Variants in KDM6A observed in about 807,000 individuals in gnomAD.
KDM6A encodes the protein lysine demethylase 6A.
A neutral mutation model predicts 117.6 loss-of-function variants in KDM6A; 11 were observed. That is an observed-to-expected ratio of 0.09 (90% confidence interval 0.06 to 0.15). The LOEUF (loss-of-function observed/expected upper bound fraction) is 0.15, where lower values mean the gene tolerates loss of function less well. Among genes scored for constraint, KDM6A ranks in the 10% least tolerant of loss-of-function variants. The pLI is 1.00. For synonymous variants in KDM6A, 384 were observed against 396.1 expected (o/e 0.97, Z 0.36); for missense variants, 799 against 1,077.3 (o/e 0.74, Z 3.62).
At chrX:44,927,708 C>G (rs752448813) in intron 2 of KDM6A, among the ~76,000 whole-genome samples, 92 of 111,895 alleles carry the variant, frequency 8.2e-4, no homozygotes, top group African/African-American at 2.4e-3. Context: ...AGAAGCCTTA[C>G]TGGCACAATA....
In KDM6A at chrX:45,002,096, C is replaced by T. The variant is rs150391377; in HGVS notation, c.385-8865C>T. 6.0e-3 allele frequency among the ~76,000 whole-genome samples: 660 copies of T among 110,871 alleles called. 5 individuals carry two copies. The highest frequency in any genetic ancestry group is 0.02 in the African/African-American group (622 of 30,465). ...CAGTGGTCTTTATAGCCCTTGGTGC[C>T]TTCTTACTGAGAAATTTCCCTTAGC... is the stretch of plus-strand genomic sequence containing the variant. On this transcript the variant is annotated intron_variant, in intron 4 of 29. Coordinates refer to ENST00000611820, the MANE Select transcript of KDM6A (RefSeq NM_001291415.2).
chrX:44,960,863 T>G, intron 2 of KDM6A, among the ~76,000 whole-genome samples: 1 of 111,661 alleles, frequency 9.0e-6, no homozygotes, highest in East Asian at 2.8e-4. Flanking sequence ...TTTTTATTAC[T>G]CTAGAGATTC....
chrX:44,899,583 C>T (rs994410775), intron 2 of KDM6A, among the ~76,000 whole-genome samples: 3 of 109,700 alleles, frequency 2.7e-5, no homozygotes, highest in Non-Finnish European at 5.7e-5. Context: ...TTGGGGTCTT[C>T]TGAAGCAGCA....
intron 2 of KDM6A, among the ~76,000 whole-genome samples, chrX:44,912,499 A>C (rs1334724584): frequency 8.9e-6 from 1 of 112,321 alleles, no homozygotes; most frequent in Non-Finnish European, 1.9e-5. Flanking sequence ...TATGTTTTAT[A>C]GTTGGAAATC....
intron 2 of KDM6A, among the ~76,000 whole-genome samples, chrX:44,907,222 CAT>C (rs1210408498): frequency 1.8e-5 from 2 of 112,266 alleles, no homozygotes; most frequent in Non-Finnish European, 3.8e-5. Context: ...TGTTTTCTCT[CAT>C]ATGTATGTAA....
chrX:45,094,237 T>G, intron 27 of KDM6A, among the ~76,000 whole-genome samples: 1 of 112,085 alleles, frequency 8.9e-6, no homozygotes, highest in Middle Eastern at 4.6e-3. Flanking sequence ...ATAGGTCCTT[T>G]CTTCAAGTAA....
intron 8 of KDM6A, among the ~76,000 whole-genome samples, chrX:45,040,450 A>C (rs1602682650): frequency 2.6e-5 from 1 of 38,643 alleles, no homozygotes; most frequent in African/African-American, 9.4e-5. Flanking sequence ...CGGGGGGCTG[A>C]CCCCCCCCAC....
At chrX:44,972,042 T>C (rs1466467924) in intron 3 of KDM6A, among the ~76,000 whole-genome samples, 2 of 110,462 alleles carry the variant, frequency 1.8e-5, no homozygotes, top group African/African-American at 6.6e-5. Context: ...CAAGAAGCTT[T>C]TTTGGGGCGG....
intron 25 of KDM6A, among the ~76,000 whole-genome samples, chrX:45,086,400 G>C (rs931115128): frequency 7.1e-5 from 8 of 112,064 alleles, no homozygotes; most frequent in African/African-American, 1.9e-4. Context: ...GCCATATCAT[G>C]ATATAAATTC....
intron 2 of KDM6A, among the ~76,000 whole-genome samples, chrX:44,918,934 A>G (rs1192844628): frequency 1.8e-5 from 2 of 112,050 alleles, no homozygotes; most frequent in Non-Finnish European, 1.9e-5. Flanking sequence ...GATCTTTGCC[A>G]TGATGTAACT....
chrX:44,959,093 A>T (rs2147154325), intron 2 of KDM6A, among the ~76,000 whole-genome samples: 1 of 110,957 alleles, frequency 9.0e-6, no homozygotes, highest in South Asian at 3.8e-4. Context: ...AGTAATACAG[A>T]GTGCTTGGCA....
chrX:45,067,838 G>C (rs2044609252), intron 17 of KDM6A, among the ~76,000 whole-genome samples: 1 of 109,560 alleles, frequency 9.1e-6, no homozygotes, highest in African/African-American at 3.3e-5. Context: ...TTTTAATAGA[G>C]ACAGGGCTTC....
intron 4 of KDM6A, among the ~76,000 whole-genome samples, chrX:44,977,429 G>GTTTTTTTTTTT (rs202089775): frequency 9.4e-6 from 1 of 106,143 alleles, no homozygotes; most frequent in African/African-American, 3.4e-5. Flanking sequence ...TAATTTTTAA[G>GTTTTTTTTTTT]TTTTTTTTTT....
intron 3 of KDM6A, among the ~76,000 whole-genome samples, chrX:44,963,440 A>T (rs868577567): frequency 1.0e-4 from 7 of 69,879 alleles, no homozygotes; most frequent in Admixed American, 3.5e-4. Context: ...AGGGTGACAG[A>T]GTGTGTGTGT....
At chrX:44,947,068 T>C (rs1484283397) in intron 2 of KDM6A, among the ~76,000 whole-genome samples, 6 of 112,300 alleles carry the variant, frequency 5.3e-5, no homozygotes, top group Non-Finnish European at 9.4e-5. Flanking sequence ...CGTAGCATAT[T>C]TATTCCATTT....
chrX:45,100,451 A>C (rs977180159), intron 27 of KDM6A, among the ~76,000 whole-genome samples: 2 of 112,263 alleles, frequency 1.8e-5, no homozygotes, highest in African/African-American at 3.2e-5. Context: ...CAACTTTGTG[A>C]GTTCACTTAA....
intron 5 of KDM6A, among the ~76,000 whole-genome samples, chrX:45,011,731 C>T (rs2041765383): frequency 9.0e-6 from 1 of 111,276 alleles, no homozygotes; most frequent in Non-Finnish European, 1.9e-5. Context: ...AATTAAATAA[C>T]TTCTCTAGGT....
intron 2 of KDM6A, among the ~76,000 whole-genome samples, chrX:44,952,346 A>G (rs1175468696): frequency 9.8e-6 from 1 of 102,038 alleles, no homozygotes; most frequent in Admixed American, 1.1e-4. Flanking sequence ...ATCTCGGCTC[A>G]CTGGAACCTC....
chrX:45,012,803 G>A (rs1330743332), intron 5 of KDM6A, among the ~76,000 whole-genome samples: 1 of 111,635 alleles, frequency 9.0e-6, no homozygotes, highest in Non-Finnish European at 1.9e-5. Flanking sequence ...ATGTGTGGAA[G>A]CACTGCTTTG....
Sources: gnomAD v4.1 joint callset for allele counts (sites outside exome capture counted in the v4.1 genomes callset) on GRCh38, gnomAD v4.1.1 for gene constraint, MANE v1.5 for transcripts, NCBI Gene and HGNC (gene_info 2026-07-23, HGNC 2026-07-21) for gene names.